The following PTK2B variants were observed in gnomAD, a reference collection of about 807,000 sequenced individuals.
PTK2B encodes protein tyrosine kinase 2 beta.
PTK2B carries 71 observed loss-of-function variants against 142.9 expected under a neutral mutation model. The ratio of observed to expected loss-of-function variants is 0.50; its 90% confidence interval spans 0.41 to 0.61. The LOEUF is 0.61. Ranked by LOEUF, PTK2B falls within the 20% of genes least tolerant of loss-of-function variation. PTK2B has a pLI of 0.00. For missense variants in PTK2B, 1,105 were observed against 1,320.4 expected, an observed-to-expected ratio of 0.84 and a Z score of 2.53; for synonymous variants, 519 against 503.4, an observed-to-expected ratio of 1.03 and a Z score of -0.42.
intron 24 of PTK2B, among the ~76,000 whole-genome samples, chr8:27,450,420 A>G (rs766178212): frequency 1.3e-5 from 2 of 152,224 alleles, no homozygotes; most frequent in African/African-American, 2.4e-5. Context: ...ATATTAAATG[A>G]CAACAACCAT....
chr8:27,347,392 C>T (rs1418449422), intron 1 of PTK2B, among the ~76,000 whole-genome samples: 2 of 152,124 alleles, frequency 1.3e-5, no homozygotes, highest in Admixed American at 6.5e-5. Flanking sequence ...TGTACCTGGC[C>T]ATTCTTATGT....
chr8:27,434,115 G>T lies in PTK2B; in HGVS notation c.1128G>T (p.Leu376=). ...PRKDGEKRNS[L]PQIPMLNLEA... is the part of the protein sequence containing the mutation. ...TAGATGGTGAGAAGCGGAACAGCCT[G>T]CCCCAGATCCCCATGCTGTGAGTAC... The change falls in exon 12 of 31, where the codon CTG becomes CTT. Residue 376 remains leucine, a synonymous_variant. Transcript: ENST00000346049. The T allele has an allele frequency of 6.2e-7, 1 of 1,614,110 alleles. No homozygotes were observed. The highest frequency in any genetic ancestry group is 1.3e-5 in the African/African-American group (1 of 75,040).
chr8:27,441,828 C>G (rs1811174494), intron 21 of PTK2B, among the ~76,000 whole-genome samples: 1 of 152,206 alleles, frequency 6.6e-6, no homozygotes, highest in South Asian at 2.1e-4. Flanking sequence ...AGTCCTGATT[C>G]ACTCTGAGGC....
intron 1 of PTK2B, among the ~76,000 whole-genome samples, chr8:27,337,747 A>G (rs1804163163): frequency 1.3e-5 from 2 of 152,178 alleles, no homozygotes; most frequent in Non-Finnish European, 2.9e-5. Context: ...TGGATATGCC[A>G]TATTTTGTTT....
chr8:27,445,653 G>C (rs749621412), intron 23 of PTK2B, 141 bp from the exon 24 acceptor site: 49 of 1,244,214 alleles, frequency 3.9e-5, no homozygotes, highest in Middle Eastern at 1.9e-4. Context: ...CCCACGTTTT[G>C]TTCTTTATTA....
chr8:27,434,014 G>A (rs1371502431), intron 11 of PTK2B, 79 bp from the exon 12 acceptor site: 4 of 1,508,094 alleles, frequency 2.7e-6, no homozygotes, highest in Non-Finnish European at 2.8e-6. Flanking sequence ...GTCCCTTGTA[G>A]GAATAGTGAG....
At chr8:27,365,398 A>C (rs114057336) in intron 1 of PTK2B, among the ~76,000 whole-genome samples, 56 of 152,304 alleles carry the variant, frequency 3.7e-4, no homozygotes, top group African/African-American at 1.3e-3. Flanking sequence ...GAGACCCATG[A>C]CACCTTAATC....
At position 27,430,873 on chromosome 8, in the gene PTK2B, C is replaced by A. The variant is rs367562360; in HGVS notation, c.670-3C>A. On this transcript the variant is annotated splice_region_variant and splice_polypyrimidine_tract_variant and intron_variant, in intron 7 of 30. Transcript: ENST00000346049. Reference sequence around the variant, plus strand: ...TGCTCACACGGCCCATCCCCTCCCCCAGCCCAAACAGTTCCGGAAGATGAT... The same window carrying A: ...TGCTCACACGGCCCATCCCCTCCCCAAGCCCAAACAGTTCCGGAAGATGAT... 2 of 1,613,488 alleles carry A rather than the reference C, an allele frequency of 1.2e-6. No homozygotes were observed. The highest frequency in any genetic ancestry group is 1.1e-5 in the South Asian group (1 of 91,006).
intron 2 of PTK2B, among the ~76,000 whole-genome samples, chr8:27,398,897 T>A (rs1366928636): frequency 6.6e-6 from 1 of 152,272 alleles, no homozygotes; most frequent in Non-Finnish European, 1.5e-5. Flanking sequence ...TAATTGATTA[T>A]GTCACTGTCA....
rs758111552 is a variant in PTK2B at position 27,383,302 on chromosome 8, T to C, written c.-37-14246T>C. On this transcript the variant is annotated intron_variant, in intron 1 of 30. Transcript: ENST00000346049. ...TGTTCTGTCACCCAAGCTGGAGTGC[T>C]GTGGTGCAATCGTGGCTCACTGCAA... Among the ~76,000 whole-genome samples the C allele has an allele frequency of 1.2e-4, 18 of 152,118 alleles. No homozygotes were observed. In the Middle Eastern group the frequency reaches 9.5e-3, roughly 80 times the overall value.
intron 2 of PTK2B, among the ~76,000 whole-genome samples, chr8:27,415,690 A>G (rs1809359750): frequency 1.3e-5 from 2 of 152,254 alleles, no homozygotes; most frequent in Admixed American, 1.3e-4. Flanking sequence ...GTCAGAGGAT[A>G]CAATATGAGA....
intron 1 of PTK2B, among the ~76,000 whole-genome samples, chr8:27,358,519 C>G (rs1805515822): frequency 6.6e-6 from 1 of 151,858 alleles, no homozygotes; most frequent in South Asian, 2.1e-4. Context: ...TTATATTTTT[C>G]TGTCTCTTTA....
At chr8:27,449,275 G>A (rs1811663420) in intron 24 of PTK2B, among the ~76,000 whole-genome samples, 1 of 152,342 alleles carries the variant, frequency 6.6e-6, no homozygotes, top group South Asian at 2.1e-4. Flanking sequence ...ATAAATAATT[G>A]TTGAATAGAT....
At chr8:27,456,074 C>T (rs763549030) in intron 30 of PTK2B, among the ~76,000 whole-genome samples, 2 of 152,236 alleles carry the variant, frequency 1.3e-5, no homozygotes, top group South Asian at 2.1e-4. Flanking sequence ...TGTCTTGTCT[C>T]ATTTAAGAGC....
chr8:27,330,174 C>T (rs1473356906), intron 1 of PTK2B, among the ~76,000 whole-genome samples: 2 of 152,170 alleles, frequency 1.3e-5, no homozygotes, highest in African/African-American at 4.8e-5. Flanking sequence ...GCATCTTATG[C>T]ACCCACTGAA....
intron 1 of PTK2B, among the ~76,000 whole-genome samples, chr8:27,379,112 G>T (rs533449252): frequency 6.6e-6 from 1 of 152,156 alleles, no homozygotes; most frequent in Non-Finnish European, 1.5e-5. Flanking sequence ...GAAGTAGGTC[G>T]CAGGCTTCTC....
At chr8:27,371,852 G>T (rs547979946) in intron 1 of PTK2B, among the ~76,000 whole-genome samples, 24 of 152,262 alleles carry the variant, frequency 1.6e-4, no homozygotes, top group African/African-American at 5.3e-4. Context: ...CTGGCCAACA[G>T]AATCTATTTT....
At chr8:27,399,147 T>C (rs1226181521) in intron 2 of PTK2B, among the ~76,000 whole-genome samples, 2 of 152,248 alleles carry the variant, frequency 1.3e-5, no homozygotes, top group African/African-American at 4.8e-5. Context: ...ATTTTACTAG[T>C]TTAATTTTCA....
At chr8:27,381,209 T>A (rs1216699737) in intron 1 of PTK2B, among the ~76,000 whole-genome samples, 1 of 152,186 alleles carries the variant, frequency 6.6e-6, no homozygotes, top group Admixed American at 6.5e-5. Flanking sequence ...TCCAGAATCC[T>A]CTCTTCTATT....
Sources: gnomAD v4.1 joint callset for allele counts (sites outside exome capture counted in the v4.1 genomes callset) on GRCh38, gnomAD v4.1.1 for gene constraint, MANE v1.5 for transcripts, NCBI Gene and HGNC (gene_info 2026-07-23, HGNC 2026-07-21) for gene names.